RBMS1: variants seen among roughly 807,000 people sequenced by gnomAD.
The protein encoded by RBMS1 is RNA-binding motif, single-stranded-interacting protein 1.
Under a neutral mutation model 62.3 loss-of-function variants are expected in RBMS1, and 17 were observed. The ratio of observed to expected loss-of-function variants is 0.27; its 90% CI spans 0.19 to 0.41. RBMS1 has a LOEUF of 0.41. Among genes scored for constraint, RBMS1 ranks in the 10% least tolerant of loss-of-function variants. The pLI is 1.00. For synonymous variants in RBMS1, 172 were observed against 170.0 expected (o/e 1.01, Z -0.09); for missense variants, 334 against 504.5 (o/e 0.66, Z 3.24).
rs561829091 is a variant in RBMS1, at chr2:160,417,010, C to T, written c.76-49619G>A. Among the ~76,000 whole-genome samples, 15 of 152,280 alleles carry T rather than the reference C, an allele frequency of 9.9e-5. No individual in the cohort carries two copies. In the South Asian group the frequency reaches 3.1e-3, roughly 32 times the overall value. On this transcript the variant is annotated intron_variant, in intron 1 of 13. Coordinates refer to ENST00000348849, the MANE Select transcript of RBMS1 (RefSeq NM_016836.4). ...GAGAGCTAAGTCATCTTTTCTTGCG[C>T]TTTAAGAATCTTATAAGATTGCTTA... is the stretch of plus-strand genomic sequence containing the variant.
At chr2:160,399,029 A>C (rs1574001917) in intron 1 of RBMS1, among the ~76,000 whole-genome samples, 1 of 151,978 alleles carries the variant, frequency 6.6e-6, no homozygotes, top group Non-Finnish European at 1.5e-5. Context: ...TGTTCTTCAA[A>C]CTCTACCCTG....
chr2:160,320,401 A>G (rs1690489353), intron 2 of RBMS1, among the ~76,000 whole-genome samples: 1 of 152,090 alleles, frequency 6.6e-6, no homozygotes, highest in Non-Finnish European at 1.5e-5. Flanking sequence ...TTAGCCTGGG[A>G]GGCAGAGGTT....
chr2:160,467,925 C>T (rs1363189813), intron 1 of RBMS1, among the ~76,000 whole-genome samples: 3 of 152,264 alleles, frequency 2.0e-5, no homozygotes, highest in African/African-American at 7.2e-5. Flanking sequence ...ATGCAAACTG[C>T]CAACTGGTAC....
chr2:160,412,272 C>A (rs1696066352), intron 1 of RBMS1, among the ~76,000 whole-genome samples: 2 of 152,214 alleles, frequency 1.3e-5, no homozygotes, highest in Non-Finnish European at 2.9e-5. Flanking sequence ...ATTTGAAAGA[C>A]ATTTGTCCCA....
intron 1 of RBMS1, among the ~76,000 whole-genome samples, chr2:160,446,676 T>C (rs1192096732): frequency 6.6e-6 from 1 of 152,204 alleles, no homozygotes; most frequent in East Asian, 1.9e-4. Flanking sequence ...ATCTCTATTA[T>C]AAGAAATTAT....
At chr2:160,484,636 C>G (rs1015839584) in intron 1 of RBMS1, among the ~76,000 whole-genome samples, 1 of 151,184 alleles carries the variant, frequency 6.6e-6, no homozygotes, top group Non-Finnish European at 1.5e-5. Flanking sequence ...TTTGGGAGGC[C>G]CGGGGCGGGC....
At position 160,415,475 on chromosome 2, in the gene RBMS1, G is replaced by A. The variant is rs922484143; in HGVS notation, c.76-48084C>T. On this transcript the variant is annotated intron_variant, in intron 1 of 13. Transcript: ENST00000348849. ...ACTAGGACCTGGGAAGAGACAGAAAGTACTTAGGAAATTTAAAAAAAAAAT... is the reference window on the plus strand; with the variant it reads ...ACTAGGACCTGGGAAGAGACAGAAAATACTTAGGAAATTTAAAAAAAAAAT... 9.2e-5 allele frequency among the ~76,000 whole-genome samples: 14 copies of A among 151,808 alleles called. No homozygotes were observed. In the East Asian group the frequency reaches 2.1e-3, roughly 23 times the overall value.
intron 1 of RBMS1, among the ~76,000 whole-genome samples, chr2:160,386,379 T>C (rs558410422): frequency 7.2e-5 from 11 of 151,986 alleles, no homozygotes; most frequent in Non-Finnish European, 1.6e-4. Context: ...TTACTAAAAA[T>C]ACAAAACTTA....
chr2:160,295,503 G>A (rs982704420), intron 6 of RBMS1, among the ~76,000 whole-genome samples: 5 of 152,284 alleles, frequency 3.3e-5, no homozygotes, highest in Admixed American at 6.5e-5. Context: ...CTGCAGTAAC[G>A]CTCTCAATGT....
chr2:160,426,216 CAGA>C (rs1682563926), intron 1 of RBMS1, among the ~76,000 whole-genome samples: 1 of 65,330 alleles, frequency 1.5e-5, no homozygotes, highest in South Asian at 4.9e-4. Flanking sequence ...GAGAGAGAGA[CAGA>C]AGAAAGAAAG....
chr2:160,299,659 A>C (rs1689113197), intron 6 of RBMS1, among the ~76,000 whole-genome samples: 1 of 152,210 alleles, frequency 6.6e-6, no homozygotes, highest in Non-Finnish European at 1.5e-5. Flanking sequence ...GGGGACTGAT[A>C]AGACTGGATG....
chr2:160,428,315 A>T (rs914580117), intron 1 of RBMS1, among the ~76,000 whole-genome samples: 1 of 152,228 alleles, frequency 6.6e-6, no homozygotes, highest in Non-Finnish European at 1.5e-5. Context: ...AATCGAGACC[A>T]CAAGAGACAC....
At chr2:160,476,572 T>TTTTTTG (rs1685139989) in intron 1 of RBMS1, among the ~76,000 whole-genome samples, 1 of 136,576 alleles carries the variant, frequency 7.3e-6, no homozygotes, top group Non-Finnish European at 1.6e-5. Flanking sequence ...TTTTTTTTTT[T>TTTTTTG]GAGACAGAGT....
At chr2:160,302,921 A>G (rs1403832378) in intron 5 of RBMS1, 1 of 157,054 alleles carries the variant, frequency 6.4e-6, no homozygotes, top group Non-Finnish European at 1.4e-5. Flanking sequence ...TGTTTTACAT[A>G]TTTCATTTTA....
intron 6 of RBMS1, among the ~76,000 whole-genome samples, chr2:160,294,725 T>G (rs1688848182): frequency 2.6e-5 from 4 of 152,222 alleles, no homozygotes; most frequent in African/African-American, 7.2e-5. Context: ...ATAATTCTGC[T>G]TACGCCAGCT....
intron 5 of RBMS1, among the ~76,000 whole-genome samples, chr2:160,302,169 G>C (rs1016378205): frequency 1.3e-5 from 2 of 151,084 alleles, no homozygotes; most frequent in African/African-American, 4.9e-5. Context: ...GATGGAAGGA[G>C]TGAGGGCACT....
chr2:160,457,110 T>C (rs959314146), intron 1 of RBMS1, among the ~76,000 whole-genome samples: 3 of 151,094 alleles, frequency 2.0e-5, no homozygotes, highest in African/African-American at 7.3e-5. Flanking sequence ...TTTATTTTAT[T>C]TTTATTTATT....
chr2:160,303,555 A>AT, intron 4 of RBMS1, 68 bp from the exon 5 acceptor site: 1 of 1,471,438 alleles, frequency 6.8e-7, no homozygotes, highest in Non-Finnish European at 9.2e-7. Context: ...TAACACACCT[A>AT]TTTTTATTAG....
At chr2:160,462,285 A>G (rs79737077) in intron 1 of RBMS1, among the ~76,000 whole-genome samples, 1 of 152,198 alleles carries the variant, frequency 6.6e-6, no homozygotes, top group South Asian at 2.1e-4. Context: ...CATGCTTAGT[A>G]TAAGGACACA....
Sources: allele counts gnomAD v4.1 joint callset (sites outside exome capture counted in the v4.1 genomes callset), GRCh38; gene constraint gnomAD v4.1.1; transcripts MANE v1.5; gene names NCBI Gene and HGNC (gene_info 2026-07-23, HGNC 2026-07-21).